Variants in BMP2K observed in about 807,000 individuals in gnomAD.
BMP2K encodes the protein BMP2 inducible kinase.
A neutral mutation model predicts 116.0 loss-of-function variants in BMP2K; 74 were observed. The observed-to-expected ratio is 0.64, with a 90% CI of 0.53 to 0.77. The LOEUF (loss-of-function observed/expected upper bound fraction) is 0.77. Among genes scored for constraint, BMP2K ranks in the 30% least tolerant of loss-of-function variants. The pLI is 0.00. For missense variants in BMP2K, 1,365 were observed against 1,403.6 expected (o/e 0.97, Z 0.44); for synonymous variants, 486 against 502.5 (o/e 0.97, Z 0.44).
intron 1 of BMP2K, among the ~76,000 whole-genome samples, chr4:78,811,497 A>G (rs1186993479): frequency 6.6e-6 from 1 of 152,240 alleles, no homozygotes. Flanking sequence ...ATGTATGCAT[A>G]TGCAGGTAAG....
chr4:78,824,771 G>A (rs114205163), intron 1 of BMP2K, among the ~76,000 whole-genome samples: 1 of 152,174 alleles, frequency 6.6e-6, no homozygotes, highest in African/African-American at 2.4e-5. Context: ...TTTAAAAAAA[G>A]TAATTGAGCT....
chr4:78,834,623 CA>C (rs1730376760), intron 3 of BMP2K, among the ~76,000 whole-genome samples: 1 of 152,096 alleles, frequency 6.6e-6, no homozygotes, highest in South Asian at 2.1e-4. Context: ...ACTTGCAAGC[CA>C]TATTTGGCAC....
intron 1 of BMP2K, among the ~76,000 whole-genome samples, chr4:78,787,756 A>G (rs749664071): frequency 5.9e-5 from 9 of 152,188 alleles, no homozygotes; most frequent in Non-Finnish European, 7.3e-5. Context: ...CTAGGTGGAA[A>G]GACATTTAGT....
At chr4:78,824,129 G>T (rs895575490) in intron 1 of BMP2K, among the ~76,000 whole-genome samples, 10 of 152,160 alleles carry the variant, frequency 6.6e-5, no homozygotes, top group African/African-American at 2.4e-4. Context: ...TTGTGGGGTG[G>T]TTGATTTGAT....
At chr4:78,819,204 T>G (rs1250706150) in intron 1 of BMP2K, among the ~76,000 whole-genome samples, 4 of 152,224 alleles carry the variant, frequency 2.6e-5, no homozygotes, top group Non-Finnish European at 5.9e-5. Context: ...AAAGTAATAG[T>G]AAGAATATCC....
At chr4:78,882,016 T>G (rs1732900067) in intron 14 of BMP2K, among the ~76,000 whole-genome samples, 1 of 152,052 alleles carries the variant, frequency 6.6e-6, no homozygotes, top group Non-Finnish European at 1.5e-5. Context: ...AGCCTTTATA[T>G]GGTCCTTAAA....
At chr4:78,812,907 G>A (rs1349245459) in intron 1 of BMP2K, among the ~76,000 whole-genome samples, 2 of 152,036 alleles carry the variant, frequency 1.3e-5, no homozygotes, top group African/African-American at 4.8e-5. Flanking sequence ...TAGCTGGCAT[G>A]GTGGTGTGTG....
At chr4:78,812,814 C>T (rs1332452055) in intron 1 of BMP2K, among the ~76,000 whole-genome samples, 1 of 152,174 alleles carries the variant, frequency 6.6e-6, no homozygotes, top group Non-Finnish European at 1.5e-5. Context: ...AGGAGGATCA[C>T]TTGAGCCTAG....
chr4:78,865,144 G>C (rs1405699409), intron 9 of BMP2K, among the ~76,000 whole-genome samples: 1 of 152,160 alleles, frequency 6.6e-6, no homozygotes, highest in African/African-American at 2.4e-5. Context: ...ATGCCTTGGA[G>C]TCCAAGTAAA....
intron 7 of BMP2K, among the ~76,000 whole-genome samples, chr4:78,858,390 CTAGCAA>C (rs1731605938): frequency 6.6e-6 from 1 of 151,822 alleles, no homozygotes. Context: ...TTATTTCAGT[CTAGCAA>C]TGGTGGTAAA....
chr4:78,833,660 G>A lies in BMP2K; in HGVS notation c.376G>A (p.Val126Ile), dbSNP rs139141439. 194 of 1,606,106 alleles carry A rather than the reference G, an allele frequency of 1.2e-4. No individual in the cohort carries two copies. The highest frequency in any genetic ancestry group is 1.5e-4 in the Non-Finnish European group (182 of 1,177,628). The change falls in exon 3 of 16, where the codon GTC (valine) becomes ATC (isoleucine). Residue 126 changes from valine (V) to isoleucine (I), a missense_variant. Val to Ile is a conservative substitution (Grantham distance 29). This residue lies in a region of BMP2K where 762 missense variants were observed against 756.7 expected (regional missense o/e 1.01). Transcript: ENST00000502613. ...VNSISDNVWE[V>I]LILMEYCRAG... is the part of the protein sequence containing the mutation. ...TTCAATTAGTGATAATGTATGGGAA[G>A]TCCTTATCTTAATGGAATATTGTCG...
intron 14 of BMP2K, among the ~76,000 whole-genome samples, chr4:78,884,015 A>G (rs1161673061): frequency 2.0e-5 from 3 of 152,180 alleles, no homozygotes; most frequent in African/African-American, 7.2e-5. Context: ...ACTGTATTAC[A>G]GCCTGGGTGA....
chr4:78,848,592 T>G (rs1194434622), intron 6 of BMP2K, among the ~76,000 whole-genome samples: 1 of 151,446 alleles, frequency 6.6e-6, no homozygotes, highest in African/African-American at 2.4e-5. Flanking sequence ...TGCAGAAAAA[T>G]TATTCTCTAA....
chr4:78,890,136 A>G (rs1283897195), intron 15 of BMP2K, among the ~76,000 whole-genome samples: 3 of 152,166 alleles, frequency 2.0e-5, no homozygotes, highest in African/African-American at 7.2e-5. Context: ...AAGTATGTAT[A>G]TAGTTTAAAA....
chr4:78,836,223 C>G (rs866127602), intron 3 of BMP2K, among the ~76,000 whole-genome samples: 4 of 152,030 alleles, frequency 2.6e-5, no homozygotes, highest in South Asian at 2.1e-4. Flanking sequence ...CGAGACCAGC[C>G]TGACCAACAT....
chr4:78,898,987 T>C (rs1733856524), intron 15 of BMP2K: 1 of 152,290 alleles, frequency 6.6e-6, no homozygotes, highest in Non-Finnish European at 1.5e-5. Context: ...GACCTCAATA[T>C]GGTGACCTCC....
chr4:78,825,952 C>T, intron 1 of BMP2K, 85 bp from the exon 2 acceptor site: 1 of 1,012,752 alleles, frequency 9.9e-7, no homozygotes, highest in Non-Finnish European at 1.5e-6. Context: ...TGTTTATTTT[C>T]CTCCAATATG....
In BMP2K at chr4:78,911,456, T is replaced by C. The variant is rs1553922653; in HGVS notation, c.2909T>C (p.Val970Ala). 3.3e-5 allele frequency: 54 copies of C among 1,613,810 alleles called. 1 individual carries two copies. In the South Asian group the frequency reaches 5.7e-4, roughly 17 times the overall value. The change falls in exon 16 of 16, where the codon GTC becomes GCC. Residue 970 changes from valine to alanine, a missense_variant. Val to Ala is a moderately conservative substitution (Grantham distance 64, BLOSUM62 0). Transcript: ENST00000502613. ...DEITGSQQQKVKQRSLQKLSS... is the reference protein window; with the variant it reads ...DEITGSQQQKAKQRSLQKLSS... ...ATAACGGGGAGCCAGCAGCAAAAAG[T>C]CAAACAGCGCAGCTTACAGAAACTG... is the stretch of plus-strand genomic sequence containing the variant.
chr4:78,791,007 C>A (rs771459671), intron 1 of BMP2K, among the ~76,000 whole-genome samples: 5 of 152,054 alleles, frequency 3.3e-5, no homozygotes, highest in Admixed American at 3.3e-4. Flanking sequence ...TTCTTTTTTC[C>A]ATCAGTTATT....
Sources: allele counts gnomAD v4.1 joint callset (sites outside exome capture counted in the v4.1 genomes callset), GRCh38; gene constraint gnomAD v4.1.1; regional missense constraint gnomAD v4.1.1; transcripts MANE v1.5; gene names NCBI Gene and HGNC (gene_info 2026-07-23, HGNC 2026-07-21).